The following DST variants were observed in gnomAD, a reference collection of about 807,000 sequenced individuals.
DST encodes bullous pemphigoid antigen.
A neutral mutation model predicts 875.2 loss-of-function variants in DST; 253 were observed. The ratio of observed to expected loss-of-function variants is 0.29; its 90% CI spans 0.26 to 0.32. The LOEUF (loss-of-function observed/expected upper bound fraction) is 0.32, where lower values mean the gene tolerates loss of function less well. Among genes scored for constraint, DST ranks in the 10% least tolerant of loss-of-function variants. DST has a pLI of 1.00. For missense variants in DST, 8,287 were observed against 9,111.6 expected (o/e 0.91, Z 3.68); for synonymous variants, 3,124 against 3,197.1 (o/e 0.98, Z 0.77).
intron 2 of DST, among the ~76,000 whole-genome samples, chr6:56,930,977 G>A (rs1467699067): frequency 3.3e-5 from 5 of 152,168 alleles, no homozygotes; most frequent in East Asian, 3.8e-4. Context: ...ATTTGAACAC[G>A]AAATCAATCA....
intron 58 of DST, among the ~76,000 whole-genome samples, chr6:56,559,137 C>T (rs1014713483): frequency 1.3e-5 from 2 of 152,082 alleles, no homozygotes; most frequent in African/African-American, 4.8e-5. Flanking sequence ...TAACATCATT[C>T]TACATGACAT....
intron 10 of DST, among the ~76,000 whole-genome samples, chr6:56,668,663 G>A (rs1316481396): frequency 1.3e-5 from 2 of 152,076 alleles, no homozygotes; most frequent in African/African-American, 4.8e-5. Flanking sequence ...AGCTACTTGA[G>A]AGGCTGAGGC....
At chr6:56,639,384 G>T (rs751130719) in intron 21 of DST, 21 bp from the exon 22 acceptor site, 1 of 1,612,084 alleles carries the variant, frequency 6.2e-7, no homozygotes, top group Admixed American at 1.7e-5. Flanking sequence ...TAATTAAGAA[G>T]TGTGTTAGAA....
chr6:56,677,267 TTATC>T (rs1187710677), intron 9 of DST, among the ~76,000 whole-genome samples: 1 of 152,126 alleles, frequency 6.6e-6, no homozygotes, highest in Non-Finnish European at 1.5e-5. Context: ...CCACCACTAC[TTATC>T]TATCTATCCA....
intron 46 of DST, 124 bp from the exon 47 acceptor site, chr6:56,598,130 T>C: frequency 5.2e-6 from 5 of 957,452 alleles, no homozygotes; most frequent in Non-Finnish European, 5.7e-6. Context: ...CTGACACAAT[T>C]GAAAACTTAA....
At chr6:56,694,604 A>G (rs904364215) in intron 9 of DST, among the ~76,000 whole-genome samples, 1 of 152,070 alleles carries the variant, frequency 6.6e-6, no homozygotes, top group Non-Finnish European at 1.5e-5. Flanking sequence ...AATGGCTGAT[A>G]TTTGTACTAA....
At chr6:56,767,282 T>C (rs2099635898) in intron 4 of DST, among the ~76,000 whole-genome samples, 1 of 152,110 alleles carries the variant, frequency 6.6e-6, no homozygotes, top group Non-Finnish European at 1.5e-5. Flanking sequence ...CAATGTGGAA[T>C]TAAATTCTAA....
chr6:56,509,856 A>G lies in DST; in HGVS notation c.18798T>C (p.Asp6266=), dbSNP rs1268619535. The change falls in exon 74 of 104, where the codon GAT becomes GAC. Residue 6266 remains aspartate (D), a synonymous_variant. Coordinates refer to ENST00000680361, the MANE Select transcript of DST (RefSeq NM_001374736.1). ...SQSTQFHDKI[D]QILESLERIV... is the part of the protein sequence containing the mutation. The stretch of plus-strand genomic sequence containing the variant: ...TGCGTTCCAGGCTCTCAAGGATCTG[A>G]TCTATCTTGTCATGGAACTAGGGGC... 1 of 1,611,240 alleles carries G rather than the reference A, an allele frequency of 6.2e-7. No homozygotes were observed. The highest frequency in any genetic ancestry group is 1.1e-5 in the South Asian group (1 of 90,362).
intron 22 of DST, among the ~76,000 whole-genome samples, chr6:56,638,496 C>T (rs1230317918): frequency 6.6e-6 from 1 of 152,124 alleles, no homozygotes; most frequent in African/African-American, 2.4e-5. Flanking sequence ...AGCATGACAA[C>T]TTTCAGGACC....
chr6:56,745,186 T>C (rs928269407), intron 4 of DST, among the ~76,000 whole-genome samples: 3 of 152,210 alleles, frequency 2.0e-5, no homozygotes, highest in Admixed American at 6.5e-5. Flanking sequence ...TAGGACTCCA[T>C]AGGTGAAAGT....
intron 9 of DST, among the ~76,000 whole-genome samples, chr6:56,678,985 T>C (rs1445619129): frequency 6.6e-6 from 1 of 152,240 alleles, no homozygotes; most frequent in African/African-American, 2.4e-5. Flanking sequence ...CTCTGAGAAC[T>C]GCTCATTCCC....
chr6:56,589,689 C>A (rs1270607036), intron 49 of DST, among the ~76,000 whole-genome samples: 1 of 152,220 alleles, frequency 6.6e-6, no homozygotes, highest in African/African-American at 2.4e-5. Flanking sequence ...TTTTCTGCAC[C>A]TCTTATGGGG....
intron 5 of DST, among the ~76,000 whole-genome samples, chr6:56,726,744 C>A (rs927702044): frequency 6.6e-6 from 1 of 152,156 alleles, no homozygotes; most frequent in African/African-American, 2.4e-5. Flanking sequence ...CCAAAGCAAG[C>A]CTTTCACTTC....
chr6:56,474,110 G>A (rs2095046499), intron 92 of DST, 108 bp from the exon 93 acceptor site: 1 of 964,126 alleles, frequency 1.0e-6, no homozygotes, highest in Admixed American at 2.7e-5. Context: ...TATTTCTGAA[G>A]AAGAATAAAT....
chr6:56,894,259 GGC>G (rs1789580960), intron 3 of DST, among the ~76,000 whole-genome samples: 1 of 49,844 alleles, frequency 2.0e-5, no homozygotes, highest in Admixed American at 1.4e-4. Context: ...CGGACGGGGC[GGC>G]TGGCCAGGCA....
chr6:56,507,962 G>C (rs2096375777), intron 75 of DST, among the ~76,000 whole-genome samples: 1 of 152,136 alleles, frequency 6.6e-6, no homozygotes, highest in Non-Finnish European at 1.5e-5. Context: ...AAAAGAAAGA[G>C]AGAGATAATA....
chr6:56,606,921 A>C lies in DST; in HGVS notation c.7707T>G (p.Asn2569Lys). The C allele has an allele frequency of 2.5e-6, 4 of 1,613,494 alleles. No individual in the cohort carries two copies. Among genetic ancestry groups the C allele is most frequent in the Non-Finnish European group, 3.4e-6 (4 of 1,179,604 alleles). ...CAVTPGGDTDNAIVSLTCATP... is the reference protein window; with the variant it reads ...CAVTPGGDTDKAIVSLTCATP... ...TAGCACAAGTAAGAGACACAATGGC[A>C]TTATCAGTATCACCCCCTGGAGTCA... The change falls in exon 40 of 104, where the codon AAT (asparagine) becomes AAG (lysine). Residue 2569 changes from asparagine to lysine, a missense_variant. Around this residue, in one of 10 missense-constraint regions of DST, gnomAD observed 3,138 missense variants for 3,116.6 expected, o/e 1.01. Coordinates refer to ENST00000680361, the MANE Select transcript of DST (RefSeq NM_001374736.1).
intron 86 of DST, among the ~76,000 whole-genome samples, chr6:56,487,848 C>T (rs1295597772): frequency 6.6e-6 from 1 of 152,164 alleles, no homozygotes; most frequent in Non-Finnish European, 1.5e-5. Context: ...GGGAAGCTTA[C>T]AAACTCACAA....
At chr6:56,761,166 C>T (rs952523936) in intron 4 of DST, among the ~76,000 whole-genome samples, 5 of 152,224 alleles carry the variant, frequency 3.3e-5, no homozygotes, top group Non-Finnish European at 7.3e-5. Flanking sequence ...CTGCCCTCTG[C>T]CAGTGAGTGA....
Sources: allele counts gnomAD v4.1 joint callset (sites outside exome capture counted in the v4.1 genomes callset), GRCh38; gene constraint gnomAD v4.1.1; regional missense constraint gnomAD v4.1.1; transcripts MANE v1.5; gene names NCBI Gene and HGNC (gene_info 2026-07-23, HGNC 2026-07-21).